NTRK2: variants seen among roughly 807,000 people sequenced by gnomAD.
The protein encoded by NTRK2 is BDNF/NT-3 growth factors receptor.
Under a neutral mutation model 94.5 loss-of-function variants are expected in NTRK2, and 13 were observed. The observed-to-expected ratio is 0.14, with a 90% CI of 0.09 to 0.22. The LOEUF is 0.22. NTRK2 is among the 10% of genes least tolerant of loss of function. The pLI is 1.00. For missense variants in NTRK2, 639 were observed against 1,071.2 expected (o/e 0.60, Z 5.63); for synonymous variants, 372 against 407.4 (o/e 0.91, Z 1.05).
At chr9:84,698,420 T>C (rs1243646177) in intron 2 of NTRK2, among the ~76,000 whole-genome samples, 1 of 152,134 alleles carries the variant, frequency 6.6e-6, no homozygotes, top group African/African-American at 2.4e-5. Context: ...TTTTAAACAA[T>C]GTCTATTTCT....
At chr9:84,820,451 T>C (rs761319155) in intron 12 of NTRK2, among the ~76,000 whole-genome samples, 6 of 152,202 alleles carry the variant, frequency 3.9e-5, no homozygotes, top group Non-Finnish European at 8.8e-5. Flanking sequence ...ATTACAGGTG[T>C]GAGCCACCGT....
chr9:84,732,691 T>C (rs2062973686), intron 9 of NTRK2, among the ~76,000 whole-genome samples: 1 of 152,132 alleles, frequency 6.6e-6, no homozygotes, highest in African/African-American at 2.4e-5. Flanking sequence ...ATGGAGTTTG[T>C]TGAAGTTTCA....
intron 14 of NTRK2, among the ~76,000 whole-genome samples, chr9:84,904,764 A>G (rs1342299289): frequency 1.3e-5 from 2 of 152,220 alleles, no homozygotes; most frequent in African/African-American, 2.4e-5. Context: ...GATAGCTCAC[A>G]TAAGTCTGTT....
intron 14 of NTRK2, among the ~76,000 whole-genome samples, chr9:84,927,682 A>T (rs2077872381): frequency 6.6e-6 from 1 of 152,086 alleles, no homozygotes; most frequent in South Asian, 2.1e-4. Flanking sequence ...ACAATCTCAC[A>T]TGAGTTATTT....
At chr9:84,980,551 T>TTAAATGAGAAATTGTGCAAATTCCTA (rs1827462568) in intron 17 of NTRK2, among the ~76,000 whole-genome samples, 2 of 152,214 alleles carry the variant, frequency 1.3e-5, no homozygotes, top group Non-Finnish European at 2.9e-5. Context: ...AAGATAATGA[T>TTAAATGAGAAATTGTGCAAATTCCTA]TAAATGAGAA....
chr9:84,880,707 A>G (rs1325225764), intron 14 of NTRK2, among the ~76,000 whole-genome samples: 2 of 152,234 alleles, frequency 1.3e-5, no homozygotes, highest in African/African-American at 2.4e-5. Flanking sequence ...AATATCTCAT[A>G]TAAGTCTTTT....
intron 17 of NTRK2, among the ~76,000 whole-genome samples, chr9:84,997,786 G>A (rs1441908359): frequency 6.6e-6 from 1 of 152,170 alleles, no homozygotes; most frequent in Non-Finnish European, 1.5e-5. Flanking sequence ...GGTGGGGCTG[G>A]GGGGTGTTCA....
rs547618723 is a variant in NTRK2 at position 84,698,924 on chromosome 9, G to A, written c.213-3235G>A. Among the ~76,000 whole-genome samples the A allele has an allele frequency of 8.5e-5, 13 of 152,240 alleles. No homozygotes were observed. The South Asian group carries it at 2.5e-3, about 29-fold the overall frequency. Reference sequence around the variant, plus strand: ...GTGGTAGCTAAGGAGAGTTTCTTAGGGGGTAGATTTCCTGAGCAGTTTGTA... The same window carrying A: ...GTGGTAGCTAAGGAGAGTTTCTTAGAGGGTAGATTTCCTGAGCAGTTTGTA... On this transcript the variant is annotated intron_variant, in intron 2 of 18. Coordinates refer to ENST00000277120, the MANE Select transcript of NTRK2 (RefSeq NM_006180.6).
intron 17 of NTRK2, among the ~76,000 whole-genome samples, chr9:85,006,609 C>CAAGGAGGCTGCTGTAGTTGGATGG (rs1564544616): frequency 6.6e-6 from 1 of 152,132 alleles, no homozygotes; most frequent in African/African-American, 2.4e-5. Flanking sequence ...AAGAAAGACA[C>CAAGGAGGCTGCTGTAGTTGGATGG]CCCTGGGGAC....
At chr9:84,984,030 T>C (rs578003505) in intron 17 of NTRK2, among the ~76,000 whole-genome samples, 1 of 152,312 alleles carries the variant, frequency 6.6e-6, no homozygotes, top group African/African-American at 2.4e-5. Flanking sequence ...CTCAGTTTCA[T>C]CATATCCAAA....
At chr9:84,937,151 A>C (rs879497710) in intron 15 of NTRK2, among the ~76,000 whole-genome samples, 1 of 152,168 alleles carries the variant, frequency 6.6e-6, no homozygotes, top group Non-Finnish European at 1.5e-5. Flanking sequence ...TTCAGCCCTG[A>C]CCACAATGAA....
At chr9:84,888,555 G>A (rs544963027) in intron 14 of NTRK2, among the ~76,000 whole-genome samples, 19 of 138,086 alleles carry the variant, frequency 1.4e-4, no homozygotes, top group Admixed American at 5.5e-4. Context: ...AGAGGTTGCA[G>A]TGAGCCGAGA....
intron 12 of NTRK2, among the ~76,000 whole-genome samples, chr9:84,771,771 G>T (rs2066568718): frequency 1.3e-5 from 2 of 152,048 alleles, no homozygotes; most frequent in Admixed American, 6.6e-5. Flanking sequence ...AAATTTGTGT[G>T]ATCGTGTGTA....
chr9:84,912,611 C>CTTTTTTTTT (rs1212242779), intron 14 of NTRK2, among the ~76,000 whole-genome samples: 2 of 95,252 alleles, frequency 2.1e-5, no homozygotes, highest in Non-Finnish European at 4.0e-5. Flanking sequence ...TTTGACTTGC[C>CTTTTTTTTT]TTTTTTTTTT....
intron 14 of NTRK2, among the ~76,000 whole-genome samples, chr9:84,919,845 A>G (rs1462842526): frequency 1.3e-5 from 2 of 152,200 alleles, no homozygotes; most frequent in East Asian, 3.9e-4. Context: ...TGTTCTCTCC[A>G]GTGCCTCATG....
chr9:84,707,724 A>C, intron 4 of NTRK2, 120 bp from the exon 5 acceptor site: 1 of 759,508 alleles, frequency 1.3e-6, no homozygotes, highest in South Asian at 1.7e-5. Context: ...TCTGGATGTA[A>C]GTAAAGCTTA....
At chr9:84,693,950 G>T (rs531388615) in intron 2 of NTRK2, among the ~76,000 whole-genome samples, 14 of 152,146 alleles carry the variant, frequency 9.2e-5, no homozygotes, top group Non-Finnish European at 1.2e-4. Flanking sequence ...ATCTCCTATT[G>T]TTGCTCTATG....
At chr9:84,727,388 C>A (rs2062540979) in intron 8 of NTRK2, among the ~76,000 whole-genome samples, 1 of 152,108 alleles carries the variant, frequency 6.6e-6, no homozygotes, top group African/African-American at 2.4e-5. Context: ...AGCTGGTTTT[C>A]ACTTATACTG....
chr9:84,998,155 C>G (rs983711863), intron 17 of NTRK2, among the ~76,000 whole-genome samples: 6 of 152,174 alleles, frequency 3.9e-5, no homozygotes, highest in African/African-American at 1.4e-4. Flanking sequence ...TAAATGATCC[C>G]CTATTCTTCC....
Sources: allele counts gnomAD v4.1 joint callset (sites outside exome capture counted in the v4.1 genomes callset), GRCh38; gene constraint gnomAD v4.1.1; transcripts MANE v1.5; gene names NCBI Gene and HGNC (gene_info 2026-07-23, HGNC 2026-07-21).